Variants in QKI observed in about 807,000 individuals in gnomAD.
The protein encoded by QKI is KH domain-containing RNA-binding protein QKI.
Under a neutral mutation model 39.0 loss-of-function variants are expected in QKI, and 10 were observed. The ratio of observed to expected loss-of-function variants is 0.26; its 90% CI spans 0.16 to 0.43. The LOEUF (loss-of-function observed/expected upper bound fraction) is 0.43. Among genes scored for constraint, QKI ranks in the 20% least tolerant of loss-of-function variants. The probability of loss-of-function intolerance (pLI) is 1.00; values close to 1 mark genes in which losing one functional copy is unlikely to be tolerated. For synonymous variants in QKI, 204 were observed against 155.4 expected (o/e 1.31, Z -2.33); for missense variants, 218 against 428.0 (o/e 0.51, Z 4.33).
At chr6:163,567,273 T>C (rs1783422783) in intron 7 of QKI, 1 of 987,648 alleles carries the variant, frequency 1.0e-6, no homozygotes, top group Non-Finnish European at 1.2e-6. Flanking sequence ...TAATAAAATA[T>C]TTGAGCCACT....
At chr6:163,433,889 TTGAAA>T (rs1457557096) in intron 1 of QKI, among the ~76,000 whole-genome samples, 3 of 152,216 alleles carry the variant, frequency 2.0e-5, no homozygotes, top group Non-Finnish European at 2.9e-5. Flanking sequence ...AACTCAACAA[TTGAAA>T]TGAAAGTTTC....
At chr6:163,428,238 A>G (rs1788557531) in intron 1 of QKI, among the ~76,000 whole-genome samples, 1 of 152,186 alleles carries the variant, frequency 6.6e-6, no homozygotes, top group Admixed American at 6.5e-5. Flanking sequence ...TGGTATGTTG[A>G]CCATATTAAA....
At chr6:163,544,866 T>G (rs1274353755) in intron 4 of QKI, among the ~76,000 whole-genome samples, 1 of 152,098 alleles carries the variant, frequency 6.6e-6, no homozygotes, top group Non-Finnish European at 1.5e-5. Flanking sequence ...AGAGTAAAAT[T>G]TTTTAAGGTA....
intron 3 of QKI, among the ~76,000 whole-genome samples, chr6:163,516,528 C>G (rs1268354450): frequency 1.3e-5 from 2 of 152,110 alleles, no homozygotes. Context: ...CTCTTGACCT[C>G]GTGATCCACC....
chr6:163,535,987 T>C (rs1482395485), intron 4 of QKI, among the ~76,000 whole-genome samples: 1 of 152,080 alleles, frequency 6.6e-6, no homozygotes, highest in Non-Finnish European at 1.5e-5. Context: ...ACAAAAAGCA[T>C]TGGCATTTAC....
intron 3 of QKI, among the ~76,000 whole-genome samples, chr6:163,523,182 T>C (rs759320378): frequency 2.0e-5 from 3 of 152,206 alleles, no homozygotes; most frequent in Non-Finnish European, 4.4e-5. Context: ...AGTTTTGTGT[T>C]TTTCATTTTA....
intron 3 of QKI, among the ~76,000 whole-genome samples, chr6:163,486,823 A>C (rs1279917237): frequency 6.6e-6 from 1 of 152,004 alleles, no homozygotes; most frequent in Non-Finnish European, 1.5e-5. Flanking sequence ...TTTTCCTGCA[A>C]CTCTGTATCC....
At chr6:163,548,170 ATGTTTGTT>A (rs10533594) in intron 4 of QKI, among the ~76,000 whole-genome samples, 41 of 151,758 alleles carry the variant, frequency 2.7e-4, no homozygotes, top group Admixed American at 6.6e-4. Context: ...TTAGAACTGA[ATGTTTGTT>A]TGTTTGTTTA....
intron 4 of QKI, among the ~76,000 whole-genome samples, chr6:163,536,693 T>C (rs1299726033): frequency 2.6e-5 from 3 of 117,548 alleles, no homozygotes; most frequent in Non-Finnish European, 6.2e-5. Flanking sequence ...ACATAGTAAA[T>C]TGAAAAATAA....
intron 1 of QKI, among the ~76,000 whole-genome samples, chr6:163,454,238 C>G (rs1393097329): frequency 6.6e-6 from 1 of 151,882 alleles, no homozygotes; most frequent in East Asian, 1.9e-4. Context: ...ATACTAGAAG[C>G]TTAATAATTT....
chr6:163,559,169 A>G (rs963253038), intron 4 of QKI, among the ~76,000 whole-genome samples: 3 of 152,116 alleles, frequency 2.0e-5, no homozygotes, highest in African/African-American at 7.2e-5. Context: ...CATGTTTTCA[A>G]GCACCTGCCC....
chr6:163,561,597 G>T (rs1783017022), intron 4 of QKI, among the ~76,000 whole-genome samples: 1 of 152,130 alleles, frequency 6.6e-6, no homozygotes, highest in South Asian at 2.1e-4. Context: ...AACAGAGCAA[G>T]ACCCTGTATC....
chr6:163,481,732 A>G (rs914315681), intron 3 of QKI, among the ~76,000 whole-genome samples: 6 of 152,332 alleles, frequency 3.9e-5, no homozygotes, highest in African/African-American at 1.2e-4. Context: ...GATTTAGTGC[A>G]TAAATACCCA....
rs1047229131 is a variant in QKI at position 163,571,295 on chromosome 6, T to C, written c.*585T>C. On this transcript the variant is annotated 3_prime_UTR_variant, in exon 8 of 8. Transcript: ENST00000361752. ...AAGTTGCAGCCTTTTTTATATTGCC[T>C]GCCAAAATTTGAAGTATTAGAAGAA... The C allele has an allele frequency of 2.0e-5, 3 of 152,196 alleles. No individual in the cohort carries two copies. Among genetic ancestry groups the C allele is most frequent in the Non-Finnish European group, 4.4e-5 (3 of 68,040 alleles). 9.4% of individuals were successfully genotyped at this position (152,196 alleles called of 1,614,324 possible).
intron 1 of QKI, among the ~76,000 whole-genome samples, chr6:163,437,765 C>T (rs1789428661): frequency 6.6e-6 from 1 of 151,976 alleles, no homozygotes; most frequent in African/African-American, 2.4e-5. Flanking sequence ...GCAAATATAC[C>T]TTCCAAACTT....
At chr6:163,417,190 TCTC>T (rs532928224) in intron 1 of QKI, among the ~76,000 whole-genome samples, 10 of 152,088 alleles carry the variant, frequency 6.6e-5, no homozygotes, top group Non-Finnish European at 1.2e-4. Flanking sequence ...CTTACTGTCT[TCTC>T]CTTGGCATAT....
chr6:163,484,020 T>C (rs1426589531), intron 3 of QKI, among the ~76,000 whole-genome samples: 3 of 152,208 alleles, frequency 2.0e-5, no homozygotes, highest in Non-Finnish European at 2.9e-5. Flanking sequence ...TCCTTGTACG[T>C]CTCTACCAGA....
At position 163,567,006 on chromosome 6, in the gene QKI, C is replaced by A. The variant is rs189879921; in HGVS notation, c.1009+211C>A. On this transcript the variant is annotated intron_variant, in intron 7 of 7. Coordinates refer to ENST00000361752, the MANE Select transcript of QKI (RefSeq NM_006775.3). ...CCCTTCATATTTTAACTTATTAAAT[C>A]TTCTATTATTATGTACTATGATTTA... 185 of 1,302,764 alleles carry A rather than the reference C, an allele frequency of 1.4e-4. 1 individual carries two copies. The highest frequency in any genetic ancestry group is 3.3e-4 in the South Asian group (17 of 50,782). 80.7% of individuals were successfully genotyped at this position (1,302,764 alleles called of 1,614,324 possible). A position where few individuals can be genotyped will look rare whatever the true frequency, so the allele number is the denominator to read the frequency against.
rs1192724583 is a variant in QKI at position 163,574,720 on chromosome 6, T to C, written c.*4010T>C. On this transcript the variant is annotated 3_prime_UTR_variant, in exon 8 of 8. Transcript: ENST00000361752. The stretch of plus-strand genomic sequence containing the variant: ...ATTATTTAGTTTAACTCAAGGTGCA[T>C]TTTTATTTCACAGATTGATACTTGC... 6.6e-6 allele frequency: 1 copy of C among 152,216 alleles called. No individual in the cohort carries two copies. The highest frequency in any genetic ancestry group is 1.5e-5 in the Non-Finnish European group (1 of 68,042). The allele number at this position is 152,216 out of a possible 1,614,324, so 9.4% of individuals were successfully genotyped here.
Sources: gnomAD v4.1 joint callset for allele counts (sites outside exome capture counted in the v4.1 genomes callset) on GRCh38, gnomAD v4.1.1 for gene constraint, MANE v1.5 for transcripts, NCBI Gene and HGNC (gene_info 2026-07-23, HGNC 2026-07-21) for gene names.